TBC1D10A: variants seen among roughly 807,000 people sequenced by gnomAD.
TBC1D10A encodes TBC1 domain family member 10A.
TBC1D10A carries 24 observed loss-of-function variants against 52.9 expected under a neutral mutation model. The observed-to-expected ratio is 0.45, with a 90% CI of 0.33 to 0.64. TBC1D10A has a LOEUF of 0.64. TBC1D10A is among the 30% of genes least tolerant of loss of function. TBC1D10A has a pLI of 0.02. For synonymous variants in TBC1D10A, 278 were observed against 282.9 expected, an observed-to-expected ratio of 0.98 and a Z score of 0.17; for missense variants, 602 against 687.9, an observed-to-expected ratio of 0.88 and a Z score of 1.40.
intron 8 of TBC1D10A, chr22:30,293,268 C>T (rs1377094220): frequency 5.0e-6 from 3 of 604,042 alleles, no homozygotes. Flanking sequence ...CTCTGTGAGC[C>T]TCCATTTCCT....
chr22:30,309,519 C>T lies in TBC1D10A; in HGVS notation c.210-4889G>A, dbSNP rs957450831. The stretch of plus-strand genomic sequence containing the variant: ...GATGACAGGCATGAGCCACCGCACC[C>T]GGCCAGGGCAATCTGCCATTTGCTG... On this transcript the variant is annotated intron_variant, in intron 1 of 8. Transcript: ENST00000215790. Among the ~76,000 whole-genome samples, 36 of 152,190 alleles carry T rather than the reference C, an allele frequency of 2.4e-4. 2 individuals are homozygous for T. Among genetic ancestry groups the T allele is most frequent in the Non-Finnish European group, 2.9e-5 (2 of 68,034 alleles).
At position 30,303,597 on chromosome 22, in the gene TBC1D10A, A is replaced by G. The variant is rs188567896; in HGVS notation, c.309+934T>C. Among the ~76,000 whole-genome samples the G allele has an allele frequency of 2.5e-3, 387 of 152,364 alleles. 13 individuals carry two copies. Among genetic ancestry groups the G allele is most frequent in the Admixed American group, 0.025 (381 of 15,300 alleles). Reference sequence around the variant, plus strand: ...AAGGAGTGGGGCTGGGCCCAAGTCTATATGCCTGACTGTCAGTCCTGAGCT... The same window carrying G: ...AAGGAGTGGGGCTGGGCCCAAGTCTGTATGCCTGACTGTCAGTCCTGAGCT... On this transcript the variant is annotated intron_variant, in intron 2 of 8. Transcript: ENST00000215790.
chr22:30,293,581 G>A (rs747822780), intron 8 of TBC1D10A, 70 bp downstream of exon 8: 300 of 1,556,084 alleles, frequency 1.9e-4, no homozygotes, highest in Non-Finnish European at 2.3e-4. Flanking sequence ...GAGGGTTAGC[G>A]GGACCCCCTT....
intron 1 of TBC1D10A, among the ~76,000 whole-genome samples, chr22:30,323,542 G>A (rs1422716276): frequency 6.6e-6 from 1 of 152,176 alleles, no homozygotes; most frequent in Non-Finnish European, 1.5e-5. Context: ...TACTGACCTG[G>A]GAGTCAGAAA....
intron 2 of TBC1D10A, among the ~76,000 whole-genome samples, chr22:30,303,289 T>TTAGA (rs562926051): frequency 0.11 from 16,589 of 146,870 alleles, 1,013 homozygotes; most frequent in Middle Eastern, 0.18. Context: ...AAATAAATAG[T>TTAGA]TAGATAGATA....
At position 30,325,638 on chromosome 22, in the gene TBC1D10A, G is replaced by A. The variant is rs545538368; in HGVS notation, c.209+1035C>T. ...CCAGCCTGTACACATGATCTCTGAG[G>A]CCTGGGCTCGGGGGATTCTGTGGGG... On this transcript the variant is annotated intron_variant, in intron 1 of 8. Transcript: ENST00000215790. Among the ~76,000 whole-genome samples the A allele has an allele frequency of 4.7e-4, 72 of 152,244 alleles. 1 individual carries two copies. Among genetic ancestry groups the A allele is most frequent in the African/African-American group, 1.7e-3 (71 of 41,522 alleles).
intron 1 of TBC1D10A, among the ~76,000 whole-genome samples, chr22:30,317,647 C>A (rs1211214117): frequency 6.6e-6 from 1 of 152,172 alleles, no homozygotes; most frequent in East Asian, 1.9e-4. Flanking sequence ...TGGGGTCTCG[C>A]TCTGTCACCC....
chr22:30,316,643 A>T (rs907293101), intron 1 of TBC1D10A, among the ~76,000 whole-genome samples: 3 of 151,994 alleles, frequency 2.0e-5, no homozygotes, highest in African/African-American at 7.3e-5. Flanking sequence ...GGATGTAGAG[A>T]TGGGGTCTCC....
At chr22:30,298,107 A>G (rs776436050) in intron 3 of TBC1D10A, 2 of 152,248 alleles carry the variant, frequency 1.3e-5, no homozygotes, top group Non-Finnish European at 2.9e-5. Context: ...GTTCTGCTGC[A>G]CACACACTCA....
At chr22:30,300,176 G>A (rs1930171882) in intron 2 of TBC1D10A, among the ~76,000 whole-genome samples, 4 of 151,784 alleles carry the variant, frequency 2.6e-5, no homozygotes, top group Admixed American at 2.6e-4. Flanking sequence ...AGGCGGGCAC[G>A]CTGGCTCACA....
intron 1 of TBC1D10A, among the ~76,000 whole-genome samples, chr22:30,319,103 C>T (rs532576195): frequency 6.6e-5 from 10 of 152,322 alleles, no homozygotes; most frequent in Admixed American, 3.3e-4. Flanking sequence ...CATGCTCAAA[C>T]GACTGCTTTT....
intron 1 of TBC1D10A, among the ~76,000 whole-genome samples, chr22:30,317,984 G>A (rs1251617402): frequency 6.6e-6 from 1 of 152,152 alleles, no homozygotes; most frequent in African/African-American, 2.4e-5. Context: ...AAGGTCAGTG[G>A]TGGAGCCATC....
chr22:30,292,931 C>A, intron 8 of TBC1D10A, 80 bp from the exon 9 acceptor site: 1 of 1,502,030 alleles, frequency 6.7e-7, no homozygotes, highest in Non-Finnish European at 9.1e-7. Flanking sequence ...GGCCCCCAGT[C>A]TTCCTCAGCA....
At chr22:30,295,874 G>A (rs1475228472) in intron 3 of TBC1D10A, 31 bp from the exon 4 acceptor site, 2 of 1,588,192 alleles carry the variant, frequency 1.3e-6, no homozygotes, top group Non-Finnish European at 1.7e-6. Flanking sequence ...TAGGGGCTGG[G>A]GAGGATGGAG....
At chr22:30,318,065 C>T (rs1427451914) in intron 1 of TBC1D10A, among the ~76,000 whole-genome samples, 2 of 152,188 alleles carry the variant, frequency 1.3e-5, no homozygotes, top group Admixed American at 6.5e-5. Flanking sequence ...ACATTTCCAG[C>T]CAGAATCTCT....
Position 30,296,027 on chromosome 22 carries a change from G to C in TBC1D10A, c.418-184C>G, listed in dbSNP as rs1930073384. ...CTCAGGTAAGGAATGCCTGGGCAGG[G>C]GCAAAGGGGCAAGGAGGGAAGGGCC... On this transcript the variant is annotated intron_variant, in intron 3 of 8. Coordinates refer to ENST00000215790, the MANE Select transcript of TBC1D10A (RefSeq NM_031937.3). 3 of 604,498 alleles carry C rather than the reference G, an allele frequency of 5.0e-6. No individual in the cohort carries two copies. In the South Asian group the frequency reaches 5.9e-5, roughly 12 times the overall value. 37.4% of individuals were successfully genotyped at this position (604,498 alleles called of 1,614,324 possible).
rs758674387 is a variant in TBC1D10A at position 30,293,920 on chromosome 22, C to CAT, written c.895_895+1insAT (p.Gly299AspfsTer14). ...TGCTCCCCCCAAGCCCAGCCCAGTA[C>CAT]CTTCACAGAAGAACATGTCCCAGAC... On this transcript the variant is annotated frameshift_variant and splice_region_variant. Transcript: ENST00000215790. LOFTEE classifies it high-confidence loss of function. 6.2e-7 allele frequency: 1 copy of CAT among 1,612,474 alleles called. No homozygotes were observed. The highest frequency in any genetic ancestry group is 8.5e-7 in the Non-Finnish European group (1 of 1,178,708).
intron 1 of TBC1D10A, among the ~76,000 whole-genome samples, chr22:30,320,870 A>C (rs1027959732): frequency 6.6e-6 from 1 of 152,242 alleles, no homozygotes; most frequent in Non-Finnish European, 1.5e-5. Flanking sequence ...AGAGAAGTGA[A>C]GCAACATGTC....
chr22:30,294,062 CCTT>C lies in TBC1D10A; in HGVS notation c.751_753del (p.Lys251del), dbSNP rs778263347. 2 of 1,614,108 alleles carry C rather than the reference CCTT, an allele frequency of 1.2e-6. No individual in the cohort carries two copies. Among genetic ancestry groups the C allele is most frequent in the Non-Finnish European group, 1.7e-6 (2 of 1,180,024 alleles). ...AGGTGCTTGTGGGCCACCGGCGACACCTTCTGCAACAGCGAGAAAAGGATCTCC... is the reference window on the plus strand; with the variant it reads ...AGGTGCTTGTGGGCCACCGGCGACACCTGCAACAGCGAGAAAAGGATCTCC... On this transcript the variant is annotated inframe_deletion, in exon 7 of 9. Coordinates refer to ENST00000215790, the MANE Select transcript of TBC1D10A (RefSeq NM_031937.3).
Sources: allele counts gnomAD v4.1 joint callset (sites outside exome capture counted in the v4.1 genomes callset), GRCh38; gene constraint gnomAD v4.1.1; transcripts MANE v1.5; gene names NCBI Gene and HGNC (gene_info 2026-07-23, HGNC 2026-07-21).